SEMA5A: variants seen among roughly 807,000 people sequenced by gnomAD.
SEMA5A encodes the protein semaphorin-5A.
Under a neutral mutation model 135.5 loss-of-function variants are expected in SEMA5A, and 55 were observed. The ratio of observed to expected loss-of-function variants is 0.41; its 90% CI spans 0.33 to 0.51. The LOEUF (loss-of-function observed/expected upper bound fraction) is 0.51. SEMA5A is among the 20% of genes least tolerant of loss of function. SEMA5A has a pLI of 0.37. For synonymous variants in SEMA5A, 580 were observed against 546.5 expected (o/e 1.06, Z -0.85); for missense variants, 1,290 against 1,419.9 (o/e 0.91, Z 1.47).
At chr5:9,349,460 AAG>A (rs1754017084) in intron 3 of SEMA5A, among the ~76,000 whole-genome samples, 1 of 152,200 alleles carries the variant, frequency 6.6e-6, no homozygotes, top group African/African-American at 2.4e-5. Flanking sequence ...ATACACACAA[AAG>A]AGAGTTAAAC....
At chr5:9,463,880 G>A (rs999854028) in intron 1 of SEMA5A, among the ~76,000 whole-genome samples, 5 of 152,200 alleles carry the variant, frequency 3.3e-5, no homozygotes, top group Non-Finnish European at 7.3e-5. Flanking sequence ...TTTTCACTGT[G>A]TCTGCGTTGT....
chr5:9,491,897 C>G (rs1735027033), intron 1 of SEMA5A, among the ~76,000 whole-genome samples: 1 of 152,160 alleles, frequency 6.6e-6, no homozygotes, highest in Admixed American at 6.6e-5. Context: ...ACTGACTTGC[C>G]AGCAGTGGTC....
intron 1 of SEMA5A, among the ~76,000 whole-genome samples, chr5:9,469,491 A>G (rs1324996064): frequency 6.6e-6 from 1 of 152,182 alleles, no homozygotes; most frequent in East Asian, 1.9e-4. Context: ...AAAACAACTC[A>G]TGTACAAGAT....
chr5:9,044,196 G>A (rs1157580519), intron 22 of SEMA5A, among the ~76,000 whole-genome samples, 177 bp downstream of exon 22: 1 of 152,132 alleles, frequency 6.6e-6, no homozygotes, highest in Non-Finnish European at 1.5e-5. Flanking sequence ...GTGGCTCCTG[G>A]GACATAAGTT....
intron 16 of SEMA5A, among the ~76,000 whole-genome samples, chr5:9,098,775 G>A (rs937009764): frequency 3.3e-5 from 5 of 151,986 alleles, no homozygotes; most frequent in Admixed American, 3.3e-4. Flanking sequence ...TACTATTATT[G>A]TGTCTCCACA....
chr5:9,155,290 C>G (rs1742893295), intron 11 of SEMA5A, among the ~76,000 whole-genome samples: 2 of 152,230 alleles, frequency 1.3e-5, no homozygotes, highest in Middle Eastern at 6.8e-3. Flanking sequence ...AACTTTCTTT[C>G]TTGTGCTTCT....
intron 1 of SEMA5A, among the ~76,000 whole-genome samples, chr5:9,452,144 G>A (rs1293463593): frequency 1.3e-5 from 2 of 152,138 alleles, no homozygotes. Flanking sequence ...TCCTAATGCT[G>A]AGGACAGACC....
At chr5:9,342,542 G>A (rs1043728206) in intron 3 of SEMA5A, among the ~76,000 whole-genome samples, 15 of 152,122 alleles carry the variant, frequency 9.9e-5, no homozygotes, top group African/African-American at 3.6e-4. Flanking sequence ...GGGGACGGTG[G>A]GTAAAGATTG....
At position 9,052,848 on chromosome 5, in the gene SEMA5A, A is replaced by T. The variant is rs1333767966; in HGVS notation, c.2690-820T>A. On this transcript the variant is annotated intron_variant, in intron 19 of 22. Coordinates refer to ENST00000382496, the MANE Select transcript of SEMA5A (RefSeq NM_003966.3). ...TCTGGATATTGTTTATGGAATTTTA[A>T]TCAGGATAAAAAGGTATTTTTCTAT... 2.0e-5 allele frequency among the ~76,000 whole-genome samples: 3 copies of T among 152,198 alleles called. No homozygotes were observed. The East Asian group carries it at 5.8e-4, about 29-fold the overall frequency.
chr5:9,348,109 A>G (rs539104292), intron 3 of SEMA5A, among the ~76,000 whole-genome samples: 6 of 152,228 alleles, frequency 3.9e-5, no homozygotes, highest in Non-Finnish European at 8.8e-5. Flanking sequence ...CCTCAGACCC[A>G]CCTGGCAAGT....
chr5:9,401,103 T>C lies in SEMA5A; in HGVS notation c.-77-21080A>G, dbSNP rs1373001437. Reference sequence around the variant, plus strand: ...TGTTTATTAAAAATTTCCATTCTTTTCCCAGAATTTTTTTTCCACTGTTCA... The same window carrying C: ...TGTTTATTAAAAATTTCCATTCTTTCCCCAGAATTTTTTTTCCACTGTTCA... On this transcript the variant is annotated intron_variant, in intron 2 of 22. Transcript: ENST00000382496. Among the ~76,000 whole-genome samples, 3 of 152,056 alleles carry C rather than the reference T, an allele frequency of 2.0e-5. 1 individual carries two copies. The highest frequency in any genetic ancestry group is 1.3e-4 in the Admixed American group (2 of 15,264).
intron 5 of SEMA5A, among the ~76,000 whole-genome samples, chr5:9,312,437 T>C (rs1752184751): frequency 6.6e-6 from 1 of 152,084 alleles, no homozygotes; most frequent in Non-Finnish European, 1.5e-5. Context: ...TAGTCATTGA[T>C]GATAAACAGG....
At chr5:9,050,351 G>A in intron 21 of SEMA5A, 59 bp downstream of exon 21, 1 of 1,433,006 alleles carries the variant, frequency 7.0e-7, no homozygotes, top group Non-Finnish European at 9.5e-7. Flanking sequence ...CATGCAGGAA[G>A]GGAAATGATT....
chr5:9,453,700 C>T (rs1401035113), intron 1 of SEMA5A, among the ~76,000 whole-genome samples: 1 of 152,154 alleles, frequency 6.6e-6, no homozygotes, highest in Non-Finnish European at 1.5e-5. Flanking sequence ...AGGAACCAAA[C>T]CCTATATTTC....
intron 5 of SEMA5A, among the ~76,000 whole-genome samples, chr5:9,306,075 ATT>A (rs1168902884): frequency 6.6e-6 from 1 of 152,132 alleles, no homozygotes; most frequent in East Asian, 1.9e-4. Flanking sequence ...TATTTTTAAG[ATT>A]TATCCCTTTT....
rs996996362 is a variant in SEMA5A, at chr5:9,054,250, G to T, written c.2526C>A (p.Gly842=). 5.0e-6 allele frequency: 8 copies of T among 1,612,412 alleles called. No individual in the cohort carries two copies. The highest frequency in any genetic ancestry group is 6.8e-6 in the Non-Finnish European group (8 of 1,179,290). The stretch of plus-strand genomic sequence containing the variant: ...TCCAGGGGGACCAGCAAGACCACAC[G>T]CCATCCACTGTGAAGAAACACAATG... The part of the protein sequence containing the change: ...ECNILPCPVD[G]VWSCWSPWTK... The change falls in exon 19 of 23, where the codon GGC becomes GGA. Residue 842 remains glycine (G), a synonymous_variant. Coordinates refer to ENST00000382496, the MANE Select transcript of SEMA5A (RefSeq NM_003966.3).
chr5:9,040,734 G>T lies in SEMA5A; in HGVS notation c.*2163C>A, dbSNP rs1022184372. Reference sequence around the variant, plus strand: ...AAAAGACTCATTAAAGACCAGCTTCGATGCCATTTAGAAACCATTTCCCAT... The same window carrying T: ...AAAAGACTCATTAAAGACCAGCTTCTATGCCATTTAGAAACCATTTCCCAT... On this transcript the variant is annotated 3_prime_UTR_variant, in exon 23 of 23. Transcript: ENST00000382496. 1.3e-5 allele frequency: 2 copies of T among 152,124 alleles called. No individual in the cohort carries two copies. Among genetic ancestry groups the T allele is most frequent in the Non-Finnish European group, 2.9e-5 (2 of 68,020 alleles). The allele number at this position is 152,124 out of a possible 1,614,324, so 9.4% of individuals were successfully genotyped here.
intron 5 of SEMA5A, among the ~76,000 whole-genome samples, chr5:9,286,962 C>T (rs1425333048): frequency 1.3e-5 from 2 of 152,174 alleles, no homozygotes; most frequent in Non-Finnish European, 2.9e-5. Flanking sequence ...TTTTTAGTTG[C>T]AGGCAAAACA....
At chr5:9,355,709 A>G (rs1336974722) in intron 3 of SEMA5A, among the ~76,000 whole-genome samples, 1 of 152,184 alleles carries the variant, frequency 6.6e-6, no homozygotes, top group Non-Finnish European at 1.5e-5. Flanking sequence ...CCTCAACATA[A>G]AGATGTCATT....
Sources: allele counts gnomAD v4.1 joint callset (sites outside exome capture counted in the v4.1 genomes callset), GRCh38; gene constraint gnomAD v4.1.1; transcripts MANE v1.5; gene names NCBI Gene and HGNC (gene_info 2026-07-23, HGNC 2026-07-21).